Variants in PHF20 observed in about 807,000 individuals in gnomAD.
PHF20 encodes the protein glioma-expressed antigen 2.
In PHF20, 23 loss-of-function variants were observed where a neutral mutation model predicts 113.5. The ratio of observed to expected loss-of-function variants is 0.20; its 90% CI spans 0.15 to 0.29. The LOEUF is 0.29. PHF20 is among the 10% of genes least tolerant of loss of function. The pLI is 1.00. For synonymous variants in PHF20, 434 were observed against 457.3 expected (o/e 0.95, Z 0.65); for missense variants, 943 against 1,219.6 (o/e 0.77, Z 3.38).
chr20:35,824,831 G>A (rs773745681), intron 2 of PHF20, among the ~76,000 whole-genome samples: 1 of 152,044 alleles, frequency 6.6e-6, no homozygotes, highest in African/African-American at 2.4e-5. Context: ...GCCTGTTCTG[G>A]ACATTTCATA....
chr20:35,825,960 T>C (rs182842634), intron 2 of PHF20, among the ~76,000 whole-genome samples: 11 of 152,344 alleles, frequency 7.2e-5, no homozygotes, highest in Admixed American at 5.2e-4. Context: ...TGGACCATTA[T>C]GGGCACTCCG....
At position 35,931,333 on chromosome 20, in the gene PHF20, A is replaced by G. The variant is rs2055748747; in HGVS notation, c.2189A>G (p.Asn730Ser). The part of the protein sequence containing the change: ...HMHGLAFLEE[N>S]YSHQNAKKIV... ...CATGGCCTGGCATTTCTAGAAGAGAACTACTCCCATCAGAATGCCAAGAAG... is the reference window on the plus strand; with the variant it reads ...CATGGCCTGGCATTTCTAGAAGAGAGCTACTCCCATCAGAATGCCAAGAAG... The change falls in exon 15 of 18, where the codon AAC (asparagine) becomes AGC (serine). Residue 730 changes from asparagine (N) to serine (S), a missense_variant. Physicochemically the swap from Asn to Ser is conservative, Grantham distance 46. Coordinates refer to ENST00000374012, the MANE Select transcript of PHF20 (RefSeq NM_016436.5). The G allele has an allele frequency of 6.2e-7, 1 of 1,614,070 alleles. No individual in the cohort carries two copies. The highest frequency in any genetic ancestry group is 2.2e-5 in the East Asian group (1 of 44,868).
In PHF20 at chr20:35,914,081, C is replaced by T. The variant is rs747469225; in HGVS notation, c.1709C>T (p.Pro570Leu). The T allele has an allele frequency of 6.8e-6, 11 of 1,614,044 alleles. No homozygotes were observed. Among genetic ancestry groups the T allele is most frequent in the Non-Finnish European group, 9.3e-6 (11 of 1,180,020 alleles). ...AGTGACACCTCCCAGGAACCTTCTC[C>T]ACCCAAGGCATTTGCTGTTACCAGG... is the stretch of plus-strand genomic sequence containing the variant. ...EISDTSQEPS[P>L]PKAFAVTRCG... Residue 570 changes from proline to leucine, a missense_variant, in exon 12 of 18, where the codon CCA becomes CTA. Pro to Leu is a moderately conservative substitution (Grantham distance 98). Coordinates refer to ENST00000374012, the MANE Select transcript of PHF20 (RefSeq NM_016436.5).
chr20:35,862,795 G>A (rs2054240523), intron 5 of PHF20, among the ~76,000 whole-genome samples: 1 of 152,112 alleles, frequency 6.6e-6, no homozygotes, highest in Non-Finnish European at 1.5e-5. Context: ...TCATAATAAG[G>A]GAGATTGCAC....
intron 9 of PHF20, among the ~76,000 whole-genome samples, chr20:35,872,869 C>T (rs925487836): frequency 1.3e-5 from 2 of 151,996 alleles, no homozygotes; most frequent in East Asian, 1.9e-4. Flanking sequence ...TGTATTTTAC[C>T]GTTGTCATGT....
At chr20:35,885,069 AG>A (rs2054702301) in intron 9 of PHF20, among the ~76,000 whole-genome samples, 1 of 152,134 alleles carries the variant, frequency 6.6e-6, no homozygotes, top group East Asian at 1.9e-4. Context: ...CCTGACCTCA[AG>A]TGATCTACCC....
intron 10 of PHF20, among the ~76,000 whole-genome samples, chr20:35,908,729 T>C (rs2147074686): frequency 6.6e-6 from 1 of 152,360 alleles, no homozygotes; most frequent in African/African-American, 2.4e-5. Flanking sequence ...CATGTTCTGC[T>C]GCTAGCCTCC....
intron 17 of PHF20, among the ~76,000 whole-genome samples, 164 bp downstream of exon 17, chr20:35,941,211 G>A (rs965875430): frequency 3.9e-5 from 6 of 152,146 alleles, no homozygotes; most frequent in African/African-American, 1.4e-4. Flanking sequence ...GGATGGATGA[G>A]CCTTACTTTT....
intron 1 of PHF20, among the ~76,000 whole-genome samples, chr20:35,780,492 CTAGGA>C (rs2041269797): frequency 1.3e-5 from 2 of 151,528 alleles, no homozygotes; most frequent in Non-Finnish European, 2.9e-5. Context: ...TCCCAAAGTG[CTAGGA>C]TTACAGGCAT....
chr20:35,837,355 A>AT (rs1331658647), intron 2 of PHF20, among the ~76,000 whole-genome samples: 1 of 152,172 alleles, frequency 6.6e-6, no homozygotes. Context: ...TATTAGTTTG[A>AT]TTATCTGCCC....
At chr20:35,916,846 C>T (rs1255074361) in intron 12 of PHF20, among the ~76,000 whole-genome samples, 1 of 152,190 alleles carries the variant, frequency 6.6e-6, no homozygotes, top group African/African-American at 2.4e-5. Context: ...ACTGCAGCCT[C>T]AAACTCGCAG....
intron 2 of PHF20, among the ~76,000 whole-genome samples, chr20:35,821,266 T>G (rs1436106015): frequency 6.6e-6 from 1 of 151,676 alleles, no homozygotes; most frequent in Non-Finnish European, 1.5e-5. Context: ...CTGGCTGACA[T>G]GTACTAAAAA....
Position 35,938,709 on chromosome 20 carries a change from T to A in PHF20, c.2313T>A (p.His771Gln). 1 of 1,609,578 alleles carries A rather than the reference T, an allele frequency of 6.2e-7. No homozygotes were observed. Among genetic ancestry groups the A allele is most frequent in the Non-Finnish European group, 8.5e-7 (1 of 1,177,786 alleles). ...GTCCTCTCAACAGAAGCCGGGAGCA[T>A]CCTGATCTGCCGCTGTGGTGCCAGC... ...LKMSILQSRE[H>Q]PDLPLWCQPW... Residue 771 changes from histidine (H) to glutamine (Q), a missense_variant, in exon 16 of 18, where the codon CAT (histidine) becomes CAA (glutamine). By Grantham distance (24) the His-to-Gln change is conservative. Around this residue, in one of 3 missense-constraint regions of PHF20, gnomAD observed 349 missense variants for 412.3 expected, o/e 0.85. Coordinates refer to ENST00000374012, the MANE Select transcript of PHF20 (RefSeq NM_016436.5).
chr20:35,823,091 CA>C (rs905052658), intron 2 of PHF20, among the ~76,000 whole-genome samples: 6 of 151,502 alleles, frequency 4.0e-5, no homozygotes, highest in African/African-American at 1.5e-4. Flanking sequence ...ACACATTTAT[CA>C]AAATCCATAT....
At chr20:35,783,951 C>T (rs1162883693) in intron 1 of PHF20, among the ~76,000 whole-genome samples, 1 of 151,766 alleles carries the variant, frequency 6.6e-6, no homozygotes, top group East Asian at 2.0e-4. Context: ...TGCCATTGCA[C>T]TCTAGCCTGG....
intron 5 of PHF20, among the ~76,000 whole-genome samples, chr20:35,862,192 A>G (rs1008640760): frequency 2.0e-5 from 3 of 152,194 alleles, no homozygotes; most frequent in African/African-American, 7.2e-5. Context: ...GGCTTGTTGA[A>G]CTGAGCACAG....
chr20:35,844,404 TTTTTTTTTTTTGG>T (rs1291132382), intron 3 of PHF20, among the ~76,000 whole-genome samples: 21 of 136,102 alleles, frequency 1.5e-4, no homozygotes, highest in South Asian at 4.8e-4. Context: ...GCCCAGCCGG[TTTTTTTTTTTTGG>T]TTTTTTTTTT....
rs375160935 is a variant in PHF20 at position 35,804,626 on chromosome 20, C to G, written c.83+3021C>G. Among the ~76,000 whole-genome samples the G allele has an allele frequency of 5.9e-5, 9 of 151,698 alleles. No individual in the cohort carries two copies. The East Asian group carries it at 7.7e-4, about 13-fold the overall frequency. ...ACCTCAGGTGATCCACCCACCTTGG[C>G]CTCCCAAAGTGCTGGGATTACAGGT... On this transcript the variant is annotated intron_variant, in intron 2 of 17. Transcript: ENST00000374012.
chr20:35,943,472 T>G (rs1429383026), intron 17 of PHF20, among the ~76,000 whole-genome samples: 1 of 144,096 alleles, frequency 6.9e-6, no homozygotes, highest in South Asian at 2.2e-4. Flanking sequence ...CCAGCCTGGG[T>G]GACAGAGCAA....
Sources: gnomAD v4.1 joint callset for allele counts (sites outside exome capture counted in the v4.1 genomes callset) on GRCh38, gnomAD v4.1.1 for gene constraint, gnomAD v4.1.1 regional missense constraint, MANE v1.5 for transcripts, NCBI Gene and HGNC (gene_info 2026-07-23, HGNC 2026-07-21) for gene names.